The following LUZP2 variants were observed in gnomAD, a reference collection of about 807,000 sequenced individuals.
LUZP2 encodes leucine zipper protein 2.
Under a neutral mutation model 51.6 loss-of-function variants are expected in LUZP2, and 52 were observed. The ratio of observed to expected loss-of-function variants is 1.01; its 90% confidence interval spans 0.81 to 1.27. LUZP2 has a LOEUF of 1.27. Ranked by LOEUF, LUZP2 falls within the 50% of genes most tolerant of loss-of-function variation. The pLI is 0.00. For synonymous variants in LUZP2, 154 were observed against 137.3 expected (o/e 1.12, Z -0.85); for missense variants, 436 against 395.4 (o/e 1.10, Z -0.87).
intron 1 of LUZP2, among the ~76,000 whole-genome samples, chr11:24,558,204 G>C (rs767072660): frequency 2.6e-5 from 4 of 152,050 alleles, no homozygotes; most frequent in Non-Finnish European, 5.9e-5. Flanking sequence ...GGATTCTAGG[G>C]ATTTCAGCTT....
At chr11:24,630,964 G>A (rs1389005468) in intron 1 of LUZP2, among the ~76,000 whole-genome samples, 1 of 151,708 alleles carries the variant, frequency 6.6e-6, no homozygotes, top group Non-Finnish European at 1.5e-5. Context: ...TATCGTAAAT[G>A]GAATTGCCTT....
intron 1 of LUZP2, among the ~76,000 whole-genome samples, chr11:24,502,293 A>G (rs1163211311): frequency 6.6e-6 from 1 of 152,236 alleles, no homozygotes; most frequent in Non-Finnish European, 1.5e-5. Context: ...ATCATCCAAA[A>G]GAAAAGAATG....
intron 5 of LUZP2, among the ~76,000 whole-genome samples, chr11:24,886,993 C>G (rs1852685958): frequency 6.6e-6 from 1 of 152,100 alleles, no homozygotes; most frequent in Non-Finnish European, 1.5e-5. Flanking sequence ...GGTGAATGTC[C>G]TAATGCCTAT....
chr11:24,511,741 T>G (rs1850317532), intron 1 of LUZP2, among the ~76,000 whole-genome samples: 1 of 152,210 alleles, frequency 6.6e-6, no homozygotes, highest in African/African-American at 2.4e-5. Flanking sequence ...GCTTAAATAT[T>G]TACTAAATGA....
chr11:25,039,224 G>C (rs535680143), intron 9 of LUZP2, among the ~76,000 whole-genome samples: 1 of 152,248 alleles, frequency 6.6e-6, no homozygotes, highest in East Asian at 1.9e-4. Context: ...GGGATTCTAG[G>C]ACCTGTTTGC....
At position 24,602,237 on chromosome 11, in the gene LUZP2, T is replaced by TAC. The variant is rs1565020929; in HGVS notation, c.62+104933_62+104934insCA. On this transcript the variant is annotated intron_variant, in intron 1 of 11. Coordinates refer to ENST00000336930, the MANE Select transcript of LUZP2 (RefSeq NM_001009909.4). ...ATATGTATATATGTACATATATGTG[T>TAC]ATATATGTATATATATGCAAACATA... Among the ~76,000 whole-genome samples, 77 of 39,976 alleles carry TAC rather than the reference T, an allele frequency of 1.9e-3. 1 individual carries two copies. In the East Asian group the frequency reaches 0.11, roughly 56 times the overall value. The allele number at this position is 39,976 out of a possible 152,430, so 26.2% of individuals were successfully genotyped here.
At chr11:25,034,428 A>T (rs1358300502) in intron 9 of LUZP2, among the ~76,000 whole-genome samples, 1 of 151,960 alleles carries the variant, frequency 6.6e-6, no homozygotes, top group Admixed American at 6.6e-5. Context: ...GTTAAATTAT[A>T]TCTCACTTGT....
intron 1 of LUZP2, among the ~76,000 whole-genome samples, chr11:24,634,820 A>G (rs932538568): frequency 6.6e-6 from 1 of 152,108 alleles, no homozygotes; most frequent in Non-Finnish European, 1.5e-5. Context: ...TAAAAACACA[A>G]CATCAAATAG....
chr11:24,897,114 C>T (rs2133770457), intron 5 of LUZP2, among the ~76,000 whole-genome samples: 1 of 152,266 alleles, frequency 6.6e-6, no homozygotes, highest in East Asian at 1.9e-4. Context: ...ACTTTTACCT[C>T]TGGCTAGAGG....
chr11:24,912,445 A>G (rs984894826), intron 6 of LUZP2, among the ~76,000 whole-genome samples: 1 of 152,098 alleles, frequency 6.6e-6, no homozygotes, highest in Non-Finnish European at 1.5e-5. Context: ...AGCATTGAAC[A>G]ATGATTGAAA....
intron 1 of LUZP2, among the ~76,000 whole-genome samples, chr11:24,592,702 A>AAT (rs3992980): frequency 6.6e-6 from 1 of 151,382 alleles, no homozygotes; most frequent in Admixed American, 6.6e-5. Flanking sequence ...AAAAAAAAAA[A>AAT]GCTTGTCTGA....
At chr11:24,705,246 A>G (rs891448863) in intron 1 of LUZP2, among the ~76,000 whole-genome samples, 1 of 152,224 alleles carries the variant, frequency 6.6e-6, no homozygotes, top group East Asian at 1.9e-4. Context: ...CTCTTTAAAA[A>G]GAAATCATGA....
At chr11:24,591,552 T>G (rs1853260786) in intron 1 of LUZP2, among the ~76,000 whole-genome samples, 1 of 152,174 alleles carries the variant, frequency 6.6e-6, no homozygotes, top group Non-Finnish European at 1.5e-5. Context: ...AGAATAGCCT[T>G]TAGAGTCAAC....
intron 9 of LUZP2, among the ~76,000 whole-genome samples, chr11:25,021,773 T>C (rs568921499): frequency 1.0e-5 from 1 of 99,044 alleles, no homozygotes; most frequent in South Asian, 3.1e-4. Context: ...GAATGCAATA[T>C]AGGGGAATAT....
intron 9 of LUZP2, among the ~76,000 whole-genome samples, chr11:25,037,055 T>A (rs1450934383): frequency 6.6e-6 from 1 of 152,160 alleles, no homozygotes; most frequent in Non-Finnish European, 1.5e-5. Context: ...TAATGGAGTG[T>A]TGAAGTCTCT....
intron 6 of LUZP2, among the ~76,000 whole-genome samples, chr11:24,910,519 T>C (rs1171062072): frequency 1.3e-5 from 2 of 152,150 alleles, no homozygotes; most frequent in African/African-American, 4.8e-5. Context: ...CAGCTGTGGC[T>C]GAAAGGGGCC....
intron 5 of LUZP2, among the ~76,000 whole-genome samples, chr11:24,810,038 T>C (rs910581898): frequency 2.0e-5 from 3 of 152,208 alleles, no homozygotes; most frequent in Admixed American, 2.0e-4. Flanking sequence ...AACCTGCATG[T>C]AACTGCAGAG....
At chr11:24,565,764 C>T (rs1852194450) in intron 1 of LUZP2, among the ~76,000 whole-genome samples, 2 of 152,022 alleles carry the variant, frequency 1.3e-5, no homozygotes, top group Admixed American at 1.3e-4. Context: ...AAGTGCCTTA[C>T]CACAAACCAA....
chr11:24,919,926 A>G (rs1565108566), intron 7 of LUZP2, among the ~76,000 whole-genome samples: 1 of 151,774 alleles, frequency 6.6e-6, no homozygotes, highest in Non-Finnish European at 1.5e-5. Context: ...AGAAACAAAA[A>G]TAAATAATTG....
Sources: gnomAD v4.1 joint callset for allele counts (sites outside exome capture counted in the v4.1 genomes callset) on GRCh38, gnomAD v4.1.1 for gene constraint, MANE v1.5 for transcripts, NCBI Gene and HGNC (gene_info 2026-07-23, HGNC 2026-07-21) for gene names.